Variants in ACE observed in about 807,000 individuals in gnomAD.
ACE encodes the protein angiotensin I converting enzyme.
A neutral mutation model predicts 162.3 loss-of-function variants in ACE; 122 were observed. The observed-to-expected ratio is 0.75, with a 90% CI of 0.65 to 0.87. ACE has a LOEUF of 0.87. Ranked by LOEUF, ACE falls within the 40% of genes least tolerant of loss-of-function variation. The pLI is 0.00. For missense variants in ACE, 1,799 were observed against 1,735.1 expected, an observed-to-expected ratio of 1.04 and a Z score of -0.65; for synonymous variants, 796 against 720.6, an observed-to-expected ratio of 1.10 and a Z score of -1.68.
chr17:63,483,268 C>A, intron 9 of ACE, 95 bp downstream of exon 9: 2 of 1,598,168 alleles, frequency 1.3e-6, no homozygotes, highest in South Asian at 1.1e-5. Context: ...TCTAGCCTCT[C>A]CTCTCTAATG....
Position 63,480,414 on chromosome 17 carries a change from CA to C in ACE, c.735del (p.Gln245HisfsTer3). 1 of 1,614,148 alleles carries C rather than the reference CA, an allele frequency of 6.2e-7. No individual in the cohort carries two copies. The highest frequency in any genetic ancestry group is 8.5e-7 in the Non-Finnish European group (1 of 1,180,030). On this transcript the variant is annotated frameshift_variant, in exon 5 of 25. Transcript: ENST00000290866. LOFTEE classifies it high-confidence loss of function. ...TFEDDLEHLYQQLEPLYLNLH... is the reference protein window; with the variant it reads ...TFEDDLEHLYXQLEPLYLNLH... ...CGAGGACGATCTGGAACACCTCTAC[CA>C]ACAGCTAGAGCCCCTCTACCTGAAC...
intron 6 of ACE, 92 bp from the exon 7 acceptor site, chr17:63,481,474 A>G: frequency 1.4e-6 from 2 of 1,413,240 alleles, no homozygotes; most frequent in Non-Finnish European, 2.0e-6. Flanking sequence ...GCTTTCATGC[A>G]CAGGGAGTTG....
At position 63,482,608 on chromosome 17, in the gene ACE, G is replaced by T; in HGVS notation, c.1261G>T (p.Gly421Trp). The T allele has an allele frequency of 6.2e-7, 1 of 1,614,106 alleles. No homozygotes were observed. Among genetic ancestry groups the T allele is most frequent in the Non-Finnish European group, 8.5e-7 (1 of 1,180,022 alleles). Reference protein sequence around the residue: ...GANPGFHEAIGDVLALSVSTP... With the variant: ...GANPGFHEAIWDVLALSVSTP... ...CAACCCCGGCTTCCATGAGGCCATTGGGGACGTGCTGGCGCTCTCGGTCTC... is the reference window on the plus strand; with the variant it reads ...CAACCCCGGCTTCCATGAGGCCATTTGGGACGTGCTGGCGCTCTCGGTCTC... Residue 421 changes from glycine to tryptophan, a missense_variant, in exon 8 of 25, where the codon GGG becomes TGG. Physicochemically the swap from Gly to Trp is radical, Grantham distance 184 (BLOSUM62 -2). Transcript: ENST00000290866.
Position 63,488,972 on chromosome 17 carries a change from T to A in ACE, c.2481T>A (p.Ser827=), listed in dbSNP as rs373925900. 8 of 1,614,064 alleles carry A rather than the reference T, an allele frequency of 5.0e-6. No homozygotes were observed. The African/African-American group carries it at 1.1e-4, about 22-fold the overall frequency. Residue 827 remains serine, a synonymous_variant, in exon 17 of 25, where the codon TCT becomes TCA. Transcript: ENST00000290866. ...GYVDAGDSWR[S]MYETPSLEQD... ...TAGATGCAGGGGACTCGTGGAGGTC[T>A]ATGTACGAGACACCATCCCTGGAGC...
chr17:63,485,443 AC>A (rs771122786), intron 13 of ACE, 71 bp downstream of exon 13: 7 of 1,585,420 alleles, frequency 4.4e-6, no homozygotes, highest in Non-Finnish European at 6.1e-6. Context: ...CGCTCACCAC[AC>A]AGTGGGGCTG....
chr17:63,477,680 T>C (rs2049641063), intron 1 of ACE: 1 of 553,610 alleles, frequency 1.8e-6, no homozygotes, highest in Non-Finnish European at 3.2e-6. Context: ...CACTGCACTG[T>C]CCATCCACCC....
Position 63,479,013 on chromosome 17 carries a change from G to A in ACE, c.424G>A (p.Ala142Thr), listed in dbSNP as rs1202551533. 4 of 1,613,204 alleles carry A rather than the reference G, an allele frequency of 2.5e-6. No homozygotes were observed. The highest frequency in any genetic ancestry group is 2.2e-5 in the South Asian group (2 of 90,922). Reference sequence around the variant, plus strand: ...CTCCCCTCTGACTCCCCAGTACAACGCCCTGCTAAGCAACATGAGCAGGAT... The same window carrying A: ...CTCCCCTCTGACTCCCCAGTACAACACCCTGCTAAGCAACATGAGCAGGAT... ...LPLAKRQQYN[A>T]LLSNMSRIYS... is the part of the protein sequence containing the mutation. Residue 142 changes from alanine to threonine, a missense_variant, in exon 3 of 25, where the codon GCC (alanine) becomes ACC (threonine). Ala to Thr is a moderately conservative substitution (Grantham distance 58, BLOSUM62 0). Coordinates refer to ENST00000290866, the MANE Select transcript of ACE (RefSeq NM_000789.4).
chr17:63,483,030 A>G lies in ACE; in HGVS notation c.1344A>G (p.Glu448=), dbSNP rs1289663597. 6.2e-7 allele frequency: 1 copy of G among 1,613,944 alleles called. No homozygotes were observed. The highest frequency in any genetic ancestry group is 8.5e-7 in the Non-Finnish European group (1 of 1,179,988). The change falls in exon 9 of 25, where the codon GAA becomes GAG. Residue 448 remains glutamate, a splice_region_variant and synonymous_variant. Transcript: ENST00000290866. ...TCCTTTCATCTCATCTCCCAACAGA[A>G]AGTGACATCAATTACTTGCTAAAAA... ...GLLDRVTNDT[E]SDINYLLKMA... is the part of the protein sequence containing the mutation.
Position 63,486,303 on chromosome 17 carries a change from C to T in ACE, c.2059-254C>T, listed in dbSNP as rs1361980945. ...GGCTCCTTCCTAAGGGCCTTTACGA[C>T]ACTTGGGGGTCTTCTCTTCTCTGCC... On this transcript the variant is annotated intron_variant, in intron 13 of 24. Coordinates refer to ENST00000290866, the MANE Select transcript of ACE (RefSeq NM_000789.4). 5.3e-6 allele frequency: 3 copies of T among 563,432 alleles called. No individual in the cohort carries two copies. The South Asian group carries it at 6.0e-5, about 11-fold the overall frequency. 34.9% of individuals were successfully genotyped at this position (563,432 alleles called of 1,614,324 possible). A position where few individuals can be genotyped will look rare whatever the true frequency, so the allele number is the denominator to read the frequency against.
Position 63,494,383 on chromosome 17 carries a change from A to G in ACE, c.3293A>G (p.Gln1098Arg). ...QEWWSLRLKY[Q>R]GLCPPVPRTQ... ...TTCCCACTCGACAGGCTGAAGTACC[A>G]GGGCCTCTGCCCCCCAGTGCCCAGG... is the stretch of plus-strand genomic sequence containing the variant. The change falls in exon 22 of 25, where the codon CAG becomes CGG. Residue 1098 changes from glutamine to arginine, a missense_variant. Transcript: ENST00000290866. The G allele has an allele frequency of 6.2e-7, 1 of 1,613,982 alleles. No individual in the cohort carries two copies. Among genetic ancestry groups the G allele is most frequent in the Non-Finnish European group, 8.5e-7 (1 of 1,179,898 alleles).
chr17:63,487,649 G>C (rs1028539488), intron 15 of ACE, among the ~76,000 whole-genome samples: 3 of 152,094 alleles, frequency 2.0e-5, no homozygotes, highest in African/African-American at 7.2e-5. Flanking sequence ...CCCACTGGCT[G>C]GTCCTTCTTA....
Position 63,486,607 on chromosome 17 carries a change from G to C in ACE, c.2109G>C (p.Gln703His), listed in dbSNP as rs751787326. ...IANHTLKYGT[Q>H]ARKFDVNQLQ... is the part of the protein sequence containing the mutation. ...ACCACACCCTGAAGTACGGCACCCAGGCCAGGAAGTTTGATGTGAACCAGT... is the reference window on the plus strand; with the variant it reads ...ACCACACCCTGAAGTACGGCACCCACGCCAGGAAGTTTGATGTGAACCAGT... Residue 703 changes from glutamine to histidine, a missense_variant, in exon 14 of 25, where the codon CAG (glutamine) becomes CAC (histidine). Gln to His is a conservative substitution (Grantham distance 24, BLOSUM62 0). Transcript: ENST00000290866. The C allele has an allele frequency of 4.3e-6, 7 of 1,614,122 alleles. No homozygotes were observed. Among genetic ancestry groups the C allele is most frequent in the Non-Finnish European group, 5.1e-6 (6 of 1,180,054 alleles).
Position 63,485,340 on chromosome 17 carries a change from A to T in ACE, c.2026A>T (p.Thr676Ser). 1 of 1,613,788 alleles carries T rather than the reference A, an allele frequency of 6.2e-7. No homozygotes were observed. The highest frequency in any genetic ancestry group is 2.2e-5 in the East Asian group (1 of 44,862). Residue 676 changes from threonine (T) to serine (S), a missense_variant, in exon 13 of 25, where the codon ACC becomes TCC. Thr to Ser is a moderately conservative substitution (Grantham distance 58, BLOSUM62 1). Coordinates refer to ENST00000290866, the MANE Select transcript of ACE (RefSeq NM_000789.4). ...TGCCGAGGCCAACTGGAACTACAAC[A>T]CCAACATCACCACAGAGACCAGCAA... is the stretch of plus-strand genomic sequence containing the variant. ...EYAEANWNYN[T>S]NITTETSKIL...
At chr17:63,492,470 G>A (rs1345627137) in intron 19 of ACE, among the ~76,000 whole-genome samples, 2 of 152,218 alleles carry the variant, frequency 1.3e-5, no homozygotes, top group African/African-American at 2.4e-5. Flanking sequence ...GGCTGTGCAG[G>A]CCCTTCCAGG....
chr17:63,491,493 G>A lies in ACE; in HGVS notation c.2912+112G>A. 1 of 1,414,660 alleles carries A rather than the reference G, an allele frequency of 7.1e-7. No individual in the cohort carries two copies. The allele number at this position is 1,414,660 out of a possible 1,614,324, so 87.6% of individuals were successfully genotyped here. ...GCTGGAGCCAGCAGGGCAGGATGGG[G>A]ACAGGGCCAGAGTTTGGGACTGAGT... On this transcript the variant is annotated intron_variant, in intron 19 of 24. Coordinates refer to ENST00000290866, the MANE Select transcript of ACE (RefSeq NM_000789.4). This position sits in a 1 kb window ranked among gnomAD's most constrained non-coding sequence, Gnocchi z 4.4.
Position 63,486,647 on chromosome 17 carries a change from A to G in ACE, c.2149A>G (p.Ile717Val), listed in dbSNP as rs2029960094. The G allele has an allele frequency of 1.3e-5, 21 of 1,614,172 alleles. No homozygotes were observed. The highest frequency in any genetic ancestry group is 1.8e-5 in the Non-Finnish European group (21 of 1,179,998). Residue 717 changes from isoleucine to valine, a missense_variant, in exon 14 of 25, where the codon ATC becomes GTC. By Grantham distance (29) the Ile-to-Val change is conservative. Transcript: ENST00000290866. ...TGTGAACCAGTTGCAGAACACCACTATCAAGCGGATCATAAAGAAGGTTCA... is the reference window on the plus strand; with the variant it reads ...TGTGAACCAGTTGCAGAACACCACTGTCAAGCGGATCATAAAGAAGGTTCA... ...FDVNQLQNTTIKRIIKKVQDL... is the reference protein window; with the variant it reads ...FDVNQLQNTTVKRIIKKVQDL...
intron 1 of ACE, 39 bp from the exon 2 acceptor site, chr17:63,477,892 A>G (rs1219375757): frequency 1.9e-6 from 3 of 1,585,820 alleles, no homozygotes; most frequent in African/African-American, 1.3e-5. Flanking sequence ...GCATCTAAGC[A>G]GGGTCCTACA....
Position 63,486,801 on chromosome 17 carries a change from C to G in ACE, c.2217+86C>G, listed in dbSNP as rs1043319626. The G allele has an allele frequency of 1.9e-5, 30 of 1,566,600 alleles. No individual in the cohort carries two copies. In the South Asian group the frequency reaches 3.4e-4, roughly 18 times the overall value. ...TCTGGCCTGGCCTTCACGCTGCTTC[C>G]TCTTCCTCGTTGTATCAAGTCATGG... is the stretch of plus-strand genomic sequence containing the variant. On this transcript the variant is annotated intron_variant, in intron 14 of 24. Coordinates refer to ENST00000290866, the MANE Select transcript of ACE (RefSeq NM_000789.4).
At position 63,479,761 on chromosome 17, in the gene ACE, T is replaced by C. The variant is rs1174424448; in HGVS notation, c.512-8T>C. The C allele has an allele frequency of 6.2e-7, 1 of 1,613,196 alleles. No individual in the cohort carries two copies. The highest frequency in any genetic ancestry group is 8.5e-7 in the Non-Finnish European group (1 of 1,180,026). ...CCTCCTCACCGACCCTGCCTGCCTG[T>C]GTCTCAGATCTCACCAACATCCTGG... On this transcript the variant is annotated splice_polypyrimidine_tract_variant and splice_region_variant and intron_variant, in intron 3 of 24. Coordinates refer to ENST00000290866, the MANE Select transcript of ACE (RefSeq NM_000789.4).
Sources: gnomAD v4.1 joint callset for allele counts (sites outside exome capture counted in the v4.1 genomes callset) on GRCh38, gnomAD v4.1.1 for gene constraint, Gnocchi (gnomAD v3.1) non-coding constraint, MANE v1.5 for transcripts, NCBI Gene and HGNC (gene_info 2026-07-23, HGNC 2026-07-21) for gene names.